KCNMA1: variants seen among roughly 807,000 people sequenced by gnomAD.
KCNMA1 encodes the protein Calcium-activated potassium channel subunit alpha-1.
KCNMA1 carries 29 observed loss-of-function variants against 140.0 expected under a neutral mutation model. The observed-to-expected ratio is 0.21, with a 90% CI of 0.15 to 0.28. The LOEUF is 0.28. Ranked by LOEUF, KCNMA1 falls within the 10% of genes least tolerant of loss-of-function variation. KCNMA1 has a pLI of 1.00. For synonymous variants in KCNMA1, 612 were observed against 611.9 expected (o/e 1.00, Z 0.00); for missense variants, 880 against 1,602.2 (o/e 0.55, Z 7.70).
At chr10:77,541,114 G>A (rs934981731) in intron 1 of KCNMA1, among the ~76,000 whole-genome samples, 1 of 151,668 alleles carries the variant, frequency 6.6e-6, no homozygotes, top group Admixed American at 6.6e-5. Flanking sequence ...TATAAGACAG[G>A]AAAGGGGGAA....
intron 1 of KCNMA1, among the ~76,000 whole-genome samples, chr10:77,558,885 A>G (rs1053365163): frequency 2.0e-5 from 3 of 152,198 alleles, no homozygotes; most frequent in Admixed American, 6.5e-5. Context: ...GGCCTCCCCA[A>G]ACAATGCCTC....
intron 1 of KCNMA1, among the ~76,000 whole-genome samples, chr10:77,503,241 T>C (rs1254529605): frequency 6.6e-6 from 1 of 152,188 alleles, no homozygotes; most frequent in African/African-American, 2.4e-5. Flanking sequence ...GACTTCCTAG[T>C]TTAAAAATAT....
At chr10:77,229,454 T>C (rs1206575056) in intron 3 of KCNMA1, among the ~76,000 whole-genome samples, 3 of 152,176 alleles carry the variant, frequency 2.0e-5, no homozygotes, top group Admixed American at 2.0e-4. Flanking sequence ...CTATCCATAA[T>C]TGAGGAGGAA....
intron 1 of KCNMA1, among the ~76,000 whole-genome samples, chr10:77,464,019 C>T (rs35792): frequency 0.36 from 55,247 of 151,920 alleles, 10,590 homozygotes; most frequent in South Asian, 0.59. Context: ...TCAGACCCCA[C>T]CCTAGACCTC....
At chr10:77,134,857 G>C (rs1411561216) in intron 5 of KCNMA1, among the ~76,000 whole-genome samples, 1 of 151,442 alleles carries the variant, frequency 6.6e-6, no homozygotes, top group Admixed American at 6.6e-5. Flanking sequence ...AATTAGCCGG[G>C]TGTGGTGGTG....
At chr10:77,182,312 T>A (rs1047696552) in intron 5 of KCNMA1, among the ~76,000 whole-genome samples, 2 of 152,238 alleles carry the variant, frequency 1.3e-5, no homozygotes, top group African/African-American at 4.8e-5. Context: ...TATACTGCGA[T>A]ACAAACAAAT....
At chr10:77,401,343 G>T (rs1044207088) in intron 2 of KCNMA1, among the ~76,000 whole-genome samples, 1 of 152,096 alleles carries the variant, frequency 6.6e-6, no homozygotes, top group Non-Finnish European at 1.5e-5. Flanking sequence ...TTTTAGTAGA[G>T]ATGGGGTTTC....
intron 1 of KCNMA1, among the ~76,000 whole-genome samples, chr10:77,404,644 G>A (rs1298813404): frequency 6.6e-6 from 1 of 152,114 alleles, no homozygotes; most frequent in Non-Finnish European, 1.5e-5. Context: ...GGAAAGTGTG[G>A]GAGATGTCCT....
chr10:77,580,242 G>A (rs901197480), intron 1 of KCNMA1, among the ~76,000 whole-genome samples: 10 of 151,906 alleles, frequency 6.6e-5, no homozygotes, highest in South Asian at 2.1e-4. Context: ...TTAGCCGGGC[G>A]TGGTGGCGGG....
intron 6 of KCNMA1, among the ~76,000 whole-genome samples, chr10:77,116,738 C>T (rs190315908): frequency 3.0e-4 from 46 of 152,216 alleles, no homozygotes; most frequent in Admixed American, 7.2e-4. Flanking sequence ...CTGCCTAAGG[C>T]CATGCCCTAA....
chr10:77,373,450 C>T (rs935543676), intron 2 of KCNMA1, among the ~76,000 whole-genome samples: 2 of 152,148 alleles, frequency 1.3e-5, no homozygotes, highest in Non-Finnish European at 2.9e-5. Context: ...ATAATTTCCT[C>T]ATAGGGTTGA....
At chr10:77,445,519 A>C (rs2097511996) in intron 1 of KCNMA1, among the ~76,000 whole-genome samples, 6 of 152,220 alleles carry the variant, frequency 3.9e-5, no homozygotes. Context: ...AAAGTTTCTA[A>C]TTAACCCTAC....
At chr10:77,183,568 T>A in intron 4 of KCNMA1, 36 bp from the exon 5 acceptor site, 2 of 1,418,510 alleles carry the variant, frequency 1.4e-6, no homozygotes, top group South Asian at 2.4e-5. Context: ...AGAAAAAACA[T>A]GAGAAGCATG....
At chr10:77,525,058 G>A (rs970869944) in intron 1 of KCNMA1, among the ~76,000 whole-genome samples, 1 of 152,154 alleles carries the variant, frequency 6.6e-6, no homozygotes, top group African/African-American at 2.4e-5. Flanking sequence ...TACCGTGTTC[G>A]ATTTTTCTTT....
chr10:77,425,940 C>T (rs188943577), intron 1 of KCNMA1, among the ~76,000 whole-genome samples: 1 of 152,240 alleles, frequency 6.6e-6, no homozygotes, highest in African/African-American at 2.4e-5. Flanking sequence ...AAGCAAGGGG[C>T]AGAACAGGAC....
At chr10:76,891,261 A>C in intron 26 of KCNMA1, 1 of 491,358 alleles carries the variant, frequency 2.0e-6, no homozygotes, top group Non-Finnish European at 3.7e-6. Flanking sequence ...TCTAGTGCTC[A>C]TTCTCTCTGG....
At chr10:76,882,360 C>T (rs747792444), downstream of KCNMA1, among the ~76,000 whole-genome samples, 35 of 152,080 alleles carry the variant, frequency 2.3e-4, no homozygotes, top group African/African-American at 7.2e-4. Context: ...GAGAGACAAC[C>T]GTGGAGAACA....
intron 5 of KCNMA1, among the ~76,000 whole-genome samples, chr10:77,174,776 T>C (rs533434864): frequency 6.8e-4 from 103 of 152,284 alleles, no homozygotes; most frequent in African/African-American, 2.4e-3. Context: ...AGAAACTGCA[T>C]TCTAACAAGA....
chr10:76,973,373 G>A (rs757344188), intron 19 of KCNMA1, among the ~76,000 whole-genome samples: 2 of 152,222 alleles, frequency 1.3e-5, no homozygotes, highest in Non-Finnish European at 2.9e-5. Flanking sequence ...ACTTCCCAGC[G>A]CTCCCTTGTC....
Sources: allele counts gnomAD v4.1 joint callset (sites outside exome capture counted in the v4.1 genomes callset), GRCh38; gene constraint gnomAD v4.1.1; transcripts MANE v1.5; gene names NCBI Gene and HGNC (gene_info 2026-07-23, HGNC 2026-07-21).